The following TM9SF2 variants were observed in gnomAD, a reference collection of about 807,000 sequenced individuals.
The protein encoded by TM9SF2 is transmembrane 9 superfamily member 2.
In TM9SF2, 13 loss-of-function variants were observed where a neutral mutation model predicts 84.9. That is an observed-to-expected ratio of 0.15 (90% CI 0.10 to 0.24). TM9SF2 has a LOEUF of 0.24. Ranked by LOEUF, TM9SF2 falls within the 10% of genes least tolerant of loss-of-function variation. TM9SF2 has a pLI of 1.00. For missense variants in TM9SF2, 562 were observed against 818.5 expected, an observed-to-expected ratio of 0.69 and a Z score of 3.82; for synonymous variants, 273 against 285.8, an observed-to-expected ratio of 0.96 and a Z score of 0.45.
At position 99,529,603 on chromosome 13, in the gene TM9SF2, T is replaced by C. The variant is rs375412048; in HGVS notation, c.461+9T>C. On this transcript the variant is annotated intron_variant, in intron 4 of 16. Coordinates refer to ENST00000376387, the MANE Select transcript of TM9SF2 (RefSeq NM_004800.3). The stretch of plus-strand genomic sequence containing the variant: ...AATTATCAACATCACTGGTAAGGCA[T>C]GAATATTTTCGATTTTGGGGTTTAT... 6 of 1,543,686 alleles carry C rather than the reference T, an allele frequency of 3.9e-6. No homozygotes were observed. The African/African-American group carries it at 7.1e-5, about 18-fold the overall frequency.
rs1357657517 is a variant in TM9SF2, at chr13:99,563,021, T to C, written c.*263T>C. 3.1e-6 allele frequency: 1 copy of C among 319,194 alleles called. No individual in the cohort carries two copies. Among genetic ancestry groups the C allele is most frequent in the Non-Finnish European group, 5.7e-6 (1 of 175,408 alleles). The allele number at this position is 319,194 out of a possible 1,614,324, so 19.8% of individuals were successfully genotyped here. A position where few individuals can be genotyped will look rare whatever the true frequency, so the allele number is the denominator to read the frequency against. ...AGCAAATTTAAATATTATGTGCATTTGTAAATACAGTAGCTATAAAATTTT... is the reference window on the plus strand; with the variant it reads ...AGCAAATTTAAATATTATGTGCATTCGTAAATACAGTAGCTATAAAATTTT... On this transcript the variant is annotated 3_prime_UTR_variant, in exon 17 of 17. Transcript: ENST00000376387.
intron 15 of TM9SF2, among the ~76,000 whole-genome samples, chr13:99,558,313 T>G (rs1332552982): frequency 6.6e-6 from 1 of 152,254 alleles, no homozygotes; most frequent in Non-Finnish European, 1.5e-5. Flanking sequence ...CCCCTTGCAA[T>G]TCCATTTGAA....
intron 11 of TM9SF2, among the ~76,000 whole-genome samples, chr13:99,547,927 G>C (rs1301530428): frequency 2.6e-5 from 4 of 152,194 alleles, no homozygotes; most frequent in Non-Finnish European, 5.9e-5. Flanking sequence ...CTTAGACCTT[G>C]TCAGACACAG....
intron 3 of TM9SF2, among the ~76,000 whole-genome samples, chr13:99,527,474 GCTCA>G (rs2046188818): frequency 1.3e-5 from 2 of 152,142 alleles, no homozygotes; most frequent in Admixed American, 1.3e-4. Flanking sequence ...TCTTGTGAGA[GCTCA>G]CTCACTATCA....
rs1409273122 is a variant in TM9SF2, at chr13:99,547,070, C to A, written c.1236C>A (p.Thr412=). 1 of 1,613,998 alleles carries A rather than the reference C, an allele frequency of 6.2e-7. No individual in the cohort carries two copies. Among genetic ancestry groups the A allele is most frequent in the Admixed American group, 1.7e-5 (1 of 59,986 alleles). ...TGGTCCTGTGGGTGCTGCTGGGCAC[C>A]CCTGCAGGCTATGTTGCTGCCAGAT... ...CAVVLWVLLG[T]PAGYVAARFY... The change falls in exon 11 of 17, where the codon ACC becomes ACA. Residue 412 remains threonine, a synonymous_variant. Coordinates refer to ENST00000376387, the MANE Select transcript of TM9SF2 (RefSeq NM_004800.3).
At position 99,563,915 on chromosome 13, in the gene TM9SF2, CTG is replaced by C. The variant is rs1481955199; in HGVS notation, c.*1160_*1161del. ...TTCTGAAGTATCGGTCTGCTTGTATCTGTGAGCATATTCATTTGTATTTTAGG... is the reference window on the plus strand; with the variant it reads ...TTCTGAAGTATCGGTCTGCTTGTATCTGAGCATATTCATTTGTATTTTAGG... On this transcript the variant is annotated 3_prime_UTR_variant, in exon 17 of 17. Transcript: ENST00000376387. 6.6e-6 allele frequency: 1 copy of C among 152,162 alleles called. No individual in the cohort carries two copies. The highest frequency in any genetic ancestry group is 1.5e-5 in the Non-Finnish European group (1 of 68,038). 9.4% of individuals were successfully genotyped at this position (152,162 alleles called of 1,614,324 possible). A position where few individuals can be genotyped will look rare whatever the true frequency, so the allele number is the denominator to read the frequency against.
chr13:99,504,917 A>G (rs1387988470), intron 1 of TM9SF2, among the ~76,000 whole-genome samples: 2 of 152,124 alleles, frequency 1.3e-5, no homozygotes, highest in Non-Finnish European at 2.9e-5. Flanking sequence ...GATTGGGCCC[A>G]ATTTTTCTCT....
chr13:99,549,127 A>G, intron 11 of TM9SF2, 38 bp from the exon 12 acceptor site: 1 of 1,583,692 alleles, frequency 6.3e-7, no homozygotes, highest in Non-Finnish European at 8.6e-7. Flanking sequence ...TGCTTTAAAG[A>G]AAATCTGTAT....
At chr13:99,556,844 C>T (rs1364506560) in intron 15 of TM9SF2, among the ~76,000 whole-genome samples, 2 of 152,160 alleles carry the variant, frequency 1.3e-5, no homozygotes, top group Non-Finnish European at 2.9e-5. Context: ...CCTCGGCCTC[C>T]CAACGTGCTG....
intron 13 of TM9SF2, among the ~76,000 whole-genome samples, chr13:99,553,919 A>G (rs2046315621): frequency 6.6e-6 from 1 of 152,252 alleles, no homozygotes; most frequent in Non-Finnish European, 1.5e-5. Context: ...ATAAAAATAC[A>G]TGGACCAAAA....
At position 99,529,469 on chromosome 13, in the gene TM9SF2, T is replaced by A. The variant is rs1370384014; in HGVS notation, c.336T>A (p.Phe112Leu). Residue 112 changes from phenylalanine (F) to leucine (L), a missense_variant and splice_region_variant, in exon 4 of 17, where the codon TTT becomes TTA. Phe to Leu is a conservative substitution (Grantham distance 22). Coordinates refer to ENST00000376387, the MANE Select transcript of TM9SF2 (RefSeq NM_004800.3). ...GERIEPSPYKFTFNKKETCKL... is the reference protein window; with the variant it reads ...GERIEPSPYKLTFNKKETCKL... ...CTTTCCACTTCCTTTTAATACAGTT[T>A]ACGTTTAATAAGAAGGAGACCTGTA... The A allele has an allele frequency of 1.3e-6, 2 of 1,555,350 alleles. No homozygotes were observed. Among genetic ancestry groups the A allele is most frequent in the African/African-American group, 2.8e-5 (2 of 71,352 alleles).
chr13:99,547,168 G>C, intron 11 of TM9SF2, 64 bp downstream of exon 11: 1 of 1,596,288 alleles, frequency 6.3e-7, no homozygotes, highest in South Asian at 1.1e-5. Context: ...CTGTGGATCT[G>C]ACCTGGGTAT....
intron 1 of TM9SF2, among the ~76,000 whole-genome samples, chr13:99,513,556 G>T (rs1222596817): frequency 1.3e-5 from 2 of 152,044 alleles, no homozygotes; most frequent in African/African-American, 4.8e-5. Context: ...TTTTTCACAT[G>T]GCCTCAGGCT....
intron 11 of TM9SF2, among the ~76,000 whole-genome samples, chr13:99,548,478 A>C (rs2046292855): frequency 6.6e-6 from 1 of 152,202 alleles, no homozygotes; most frequent in African/African-American, 2.4e-5. Flanking sequence ...AGCTGTTCTG[A>C]GATCTCAGCC....
At chr13:99,543,813 T>A (rs2046270786) in intron 9 of TM9SF2, 50 bp from the exon 10 acceptor site, 1 of 1,598,296 alleles carries the variant, frequency 6.3e-7, no homozygotes, top group African/African-American at 1.3e-5. Context: ...TGTCTATAGT[T>A]GTCTTGTTGA....
chr13:99,562,651 T>G, intron 16 of TM9SF2, 40 bp from the exon 17 acceptor site: 1 of 1,592,042 alleles, frequency 6.3e-7, no homozygotes, highest in East Asian at 2.2e-5. Context: ...GTATGAAACT[T>G]CCTTTGAAAA....
chr13:99,526,658 G>A (rs1407527295), intron 3 of TM9SF2, among the ~76,000 whole-genome samples: 1 of 152,196 alleles, frequency 6.6e-6, no homozygotes, highest in Non-Finnish European at 1.5e-5. Flanking sequence ...GCGACCAGAG[G>A]AGGGAGTGCT....
rs149364589 is a variant in TM9SF2, at chr13:99,563,955, G to A, written c.*1197G>A. 132 of 152,150 alleles carry A rather than the reference G, an allele frequency of 8.7e-4. No individual in the cohort carries two copies. Among genetic ancestry groups the A allele is most frequent in the African/African-American group, 3.1e-3 (130 of 41,490 alleles). The allele number at this position is 152,150 out of a possible 1,614,324, so 9.4% of individuals were successfully genotyped here. On this transcript the variant is annotated 3_prime_UTR_variant, in exon 17 of 17. Coordinates refer to ENST00000376387, the MANE Select transcript of TM9SF2 (RefSeq NM_004800.3). ...TTTGTATTTTAGGGTCTCTCTGCTT[G>A]CTGCTTAGGAGAGCAAATCAGATAC...
At chr13:99,530,896 T>C (rs1311930706) in intron 4 of TM9SF2, among the ~76,000 whole-genome samples, 3 of 152,002 alleles carry the variant, frequency 2.0e-5, no homozygotes, top group Non-Finnish European at 2.9e-5. Flanking sequence ...AGTCTCTCAC[T>C]GTTCCCCAGA....
Sources: allele counts gnomAD v4.1 joint callset (sites outside exome capture counted in the v4.1 genomes callset), GRCh38; gene constraint gnomAD v4.1.1; transcripts MANE v1.5; gene names NCBI Gene and HGNC (gene_info 2026-07-23, HGNC 2026-07-21).